The following TSPEAR variants were observed in gnomAD, a reference collection of about 807,000 sequenced individuals.
TSPEAR encodes thrombospondin type laminin G domain and EAR repeats.
Under a neutral mutation model 71.6 loss-of-function variants are expected in TSPEAR, and 69 were observed. The observed-to-expected ratio is 0.96, with a 90% CI of 0.79 to 1.18. The LOEUF (loss-of-function observed/expected upper bound fraction) is 1.18, where lower values mean the gene tolerates loss of function less well. Ranked by LOEUF, TSPEAR falls within the 50% of genes most tolerant of loss-of-function variation. The probability of loss-of-function intolerance (pLI) is 0.00; values close to 1 mark genes in which losing one functional copy is unlikely to be tolerated. For missense variants in TSPEAR, 971 were observed against 894.9 expected (o/e 1.09, Z -1.09); for synonymous variants, 402 against 387.2 (o/e 1.04, Z -0.45).
intron 1 of TSPEAR, among the ~76,000 whole-genome samples, chr21:44,669,390 T>C (rs1601548707): frequency 6.6e-6 from 1 of 152,080 alleles, no homozygotes; most frequent in African/African-American, 2.4e-5. Flanking sequence ...ACCACTGCAC[T>C]CCAGCCTGTG....
chr21:44,545,653 A>C (rs948126085), intron 2 of TSPEAR, among the ~76,000 whole-genome samples: 4 of 152,192 alleles, frequency 2.6e-5, no homozygotes, highest in African/African-American at 9.6e-5. Flanking sequence ...ACACTCTCAA[A>C]CAACCAAGGA....
rs1555924744 is a variant in TSPEAR, at chr21:44,580,051, G to C, written c.83-12046C>G. The C allele has an allele frequency of 2.5e-6, 4 of 1,594,762 alleles. No individual in the cohort carries two copies. In the South Asian group the frequency reaches 4.4e-5, roughly 18 times the overall value. On this transcript the variant is annotated intron_variant, in intron 1 of 11. Transcript: ENST00000323084. The stretch of plus-strand genomic sequence containing the variant: ...GTTTGCAGCAGACAGGCTTGCAACA[G>C]ACAGGCACGTAGCAGGACTGCTGGC...
chr21:44,551,472 G>C lies in TSPEAR; in HGVS notation c.303+16313C>G, dbSNP rs2053435637. The C allele has an allele frequency of 1.9e-6, 3 of 1,598,980 alleles. No homozygotes were observed. In the East Asian group the frequency reaches 6.7e-5, roughly 36 times the overall value. On this transcript the variant is annotated intron_variant, in intron 2 of 11. Coordinates refer to ENST00000323084, the MANE Select transcript of TSPEAR (RefSeq NM_144991.3). Reference sequence around the variant, plus strand: ...GGAGGCGGCCATGCTGGAGTGGGGAGGAGGTGAGCTGGGGGAGGTGTGTGA... The same window carrying C: ...GGAGGCGGCCATGCTGGAGTGGGGACGAGGTGAGCTGGGGGAGGTGTGTGA...
At chr21:44,627,498 C>T (rs782086673) in intron 1 of TSPEAR, 4 of 1,539,702 alleles carry the variant, frequency 2.6e-6, no homozygotes, top group Non-Finnish European at 3.5e-6. Context: ...AGCCTGTGTG[C>T]TGCGTGCCCG....
chr21:44,611,291 G>A (rs587624041), intron 1 of TSPEAR, among the ~76,000 whole-genome samples: 44 of 152,250 alleles, frequency 2.9e-4, no homozygotes, highest in African/African-American at 1.0e-3. Flanking sequence ...CCCAGGGGGA[G>A]ATAATTGAAT....
chr21:44,522,525 G>C (rs1329436233), intron 8 of TSPEAR, among the ~76,000 whole-genome samples: 1 of 152,246 alleles, frequency 6.6e-6, no homozygotes, highest in African/African-American at 2.4e-5. Context: ...TCCCCCATTG[G>C]GTGGGTCGTG....
chr21:44,515,179 G>A (rs1188758357), intron 9 of TSPEAR, among the ~76,000 whole-genome samples: 1 of 152,244 alleles, frequency 6.6e-6, no homozygotes, highest in Admixed American at 6.5e-5. Context: ...GACATCTCTA[G>A]GACCTAAAAG....
In TSPEAR at chr21:44,627,335, G is replaced by GGTGACCTGTGAGCTGCCAGGA; in HGVS notation, c.83-59331_83-59330insTCCTGGCAGCTCACAGGTCAC. 3 of 1,613,176 alleles carry GGTGACCTGTGAGCTGCCAGGA rather than the reference G, an allele frequency of 1.9e-6. No individual in the cohort carries two copies. The African/African-American group carries it at 4.0e-5, about 22-fold the overall frequency. On this transcript the variant is annotated intron_variant, in intron 1 of 11. Transcript: ENST00000323084. ...TGCACCCCAGTGAGCCGTGTATCCA[G>GGTGACCTGTGAGCTGCCAGGA]CCCCTGCTGCCAGGTGACCTGTGAG...
chr21:44,689,739 A>ATTTTTTTTTTTTTT (rs1420649057), intron 1 of TSPEAR, among the ~76,000 whole-genome samples: 1 of 128,172 alleles, frequency 7.8e-6, no homozygotes, highest in African/African-American at 3.2e-5. Context: ...ATATATATAT[A>ATTTTTTTTTTTTTT]TTTTGGGGGG....
At chr21:44,540,502 C>T (rs1190152110) in intron 2 of TSPEAR, among the ~76,000 whole-genome samples, 3 of 152,120 alleles carry the variant, frequency 2.0e-5, no homozygotes, top group Non-Finnish European at 4.4e-5. Context: ...AAGGGGGCTG[C>T]GGAGGCAGGG....
At chr21:44,666,047 C>T (rs9983129) in intron 1 of TSPEAR, 121,587 of 171,516 alleles carry the variant, frequency 0.71, 43,654 homozygotes, top group African/African-American at 0.82. Flanking sequence ...TCTGCAGCTG[C>T]GCCCTCCACC....
intron 2 of TSPEAR, among the ~76,000 whole-genome samples, chr21:44,566,287 T>A (rs2053702216): frequency 6.6e-6 from 1 of 152,200 alleles, no homozygotes; most frequent in Admixed American, 6.5e-5. Flanking sequence ...GGACTAGATT[T>A]AACAAAATAA....
At chr21:44,611,040 C>A (rs868930141) in intron 1 of TSPEAR, among the ~76,000 whole-genome samples, 6 of 152,324 alleles carry the variant, frequency 3.9e-5, no homozygotes, top group South Asian at 4.1e-4. Context: ...TTTGATTTTA[C>A]AGGCTCATAG....
chr21:44,655,199 A>G (rs1985070565), intron 1 of TSPEAR, among the ~76,000 whole-genome samples: 1 of 151,756 alleles, frequency 6.6e-6, no homozygotes, highest in African/African-American at 2.4e-5. Context: ...ACAGATGTGC[A>G]ATTTGTAAGT....
intron 2 of TSPEAR, among the ~76,000 whole-genome samples, chr21:44,538,784 G>A (rs367828379): frequency 2.0e-5 from 3 of 152,310 alleles, no homozygotes; most frequent in South Asian, 2.1e-4. Flanking sequence ...AGGAAGACCC[G>A]GGCACAGGGG....
chr21:44,576,562 A>G (rs1473432902), intron 1 of TSPEAR, among the ~76,000 whole-genome samples: 1 of 152,206 alleles, frequency 6.6e-6, no homozygotes, highest in African/African-American at 2.4e-5. Context: ...CAGCAACACA[A>G]CTCAATGTGT....
At chr21:44,655,046 G>C (rs782135573) in intron 1 of TSPEAR, among the ~76,000 whole-genome samples, 78 of 152,166 alleles carry the variant, frequency 5.1e-4, no homozygotes, top group Non-Finnish European at 9.8e-4. Flanking sequence ...CAAGTAACGA[G>C]AGCCAAACTA....
chr21:44,676,280 GGGACTC>G, intron 1 of TSPEAR: 1 of 1,254,148 alleles, frequency 8.0e-7, no homozygotes, highest in South Asian at 1.2e-5. Context: ...CCATGGGTCA[GGGACTC>G]TGGAGGGATA....
At chr21:44,601,941 C>A in intron 1 of TSPEAR, 1 of 756,080 alleles carries the variant, frequency 1.3e-6, no homozygotes, top group Non-Finnish European at 2.1e-6. Context: ...CCCAGCCCTG[C>A]TTCCCCAGCA....
Sources: allele counts gnomAD v4.1 joint callset (sites outside exome capture counted in the v4.1 genomes callset), GRCh38; gene constraint gnomAD v4.1.1; transcripts MANE v1.5; gene names NCBI Gene and HGNC (gene_info 2026-07-23, HGNC 2026-07-21).